Variants in PDRG1 observed in about 807,000 individuals in gnomAD.
PDRG1 encodes the protein p53 and DNA damage regulated 1.
Under a neutral mutation model 18.4 loss-of-function variants are expected in PDRG1, and 14 were observed. That is an observed-to-expected ratio of 0.76 (90% CI 0.50 to 1.19). The LOEUF (loss-of-function observed/expected upper bound fraction) is 1.19. Ranked by LOEUF, PDRG1 falls within the 50% of genes most tolerant of loss-of-function variation. PDRG1 has a pLI of 0.00. For missense variants in PDRG1, 177 were observed against 160.1 expected (o/e 1.11, Z -0.57); for synonymous variants, 65 against 60.9 (o/e 1.07, Z -0.31).
intron 2 of PDRG1, among the ~76,000 whole-genome samples, chr20:31,949,220 G>A (rs979047632): frequency 1.3e-5 from 2 of 152,194 alleles, no homozygotes; most frequent in Non-Finnish European, 2.9e-5. Context: ...GGGAAAGAGT[G>A]AGCCAAACAG....
In PDRG1 at chr20:31,950,354, G is replaced by A. The variant is rs142890852; in HGVS notation, c.121C>T (p.Arg41Ter). The change falls in exon 2 of 5, where the codon CGA becomes TGA. Residue 41 changes from arginine to a stop codon, truncating the protein, a stop_gained. Transcript: ENST00000202017. LOFTEE classifies it high-confidence loss of function. ...TTCTGCAGGGCCCTCAGGCCCTCTCGATTCTGATTCCTTTTAGTGTCCAGG... is the reference window on the plus strand; with the variant it reads ...TTCTGCAGGGCCCTCAGGCCCTCTCAATTCTGATTCCTTTTAGTGTCCAGG... ...VDLDTKRNQN[R>*]EGLRALQKDL... 6.2e-7 allele frequency: 1 copy of A among 1,613,230 alleles called. No individual in the cohort carries two copies. Among genetic ancestry groups the A allele is most frequent in the East Asian group, 2.2e-5 (1 of 44,886 alleles).
chr20:31,949,222 G>A (rs150016163), intron 2 of PDRG1, among the ~76,000 whole-genome samples: 21 of 152,216 alleles, frequency 1.4e-4, no homozygotes, highest in Middle Eastern at 6.8e-3. Context: ...GAAAGAGTGA[G>A]CCAAACAGAG....
Position 31,945,882 on chromosome 20 carries a change from C to A in PDRG1, c.327G>T (p.Pro109=). The A allele has an allele frequency of 6.2e-7, 1 of 1,613,324 alleles. No homozygotes were observed. Among genetic ancestry groups the A allele is most frequent in the Non-Finnish European group, 8.5e-7 (1 of 1,179,758 alleles). Residue 109 remains proline (P), a synonymous_variant, in exon 5 of 5, where the codon CCG becomes CCT. Transcript: ENST00000202017. ...GGTTCAAGTTAAAACCCTTCAGCTC[C>A]GGTTTGCCTAGGAGAGAAGATGATC... ...VNRLFEAQGK[P]ELKGFNLNPL...
intron 3 of PDRG1, among the ~76,000 whole-genome samples, chr20:31,947,661 G>A (rs2064327196): frequency 6.6e-6 from 1 of 152,224 alleles, no homozygotes; most frequent in Non-Finnish European, 1.5e-5. Context: ...GGGAGGCCAA[G>A]GTGGGTGGAT....
chr20:31,948,468 T>C (rs116988284), intron 3 of PDRG1, among the ~76,000 whole-genome samples: 1 of 152,382 alleles, frequency 6.6e-6, no homozygotes, highest in East Asian at 1.9e-4. Flanking sequence ...CTGGACAATT[T>C]CTTATGCAAG....
In PDRG1 at chr20:31,944,995, T is replaced by C. The variant is rs1358111492; in HGVS notation, c.*812A>G. 3.3e-5 allele frequency: 5 copies of C among 152,254 alleles called. No homozygotes were observed. The highest frequency in any genetic ancestry group is 2.4e-5 in the African/African-American group (1 of 41,464). 9.4% of individuals were successfully genotyped at this position (152,254 alleles called of 1,614,324 possible). ...CAGCTAACATTTATTGAGCCCTTAA[T>C]GAACACATAAGAGTTTTGACTTCAC... On this transcript the variant is annotated 3_prime_UTR_variant, in exon 5 of 5. Coordinates refer to ENST00000202017, the MANE Select transcript of PDRG1 (RefSeq NM_030815.3).
rs2064310439 is a variant in PDRG1, at chr20:31,945,642, G to A, written c.*165C>T. 3.7e-6 allele frequency: 2 copies of A among 539,524 alleles called. No homozygotes were observed. Among genetic ancestry groups the A allele is most frequent in the African/African-American group, 3.9e-5 (2 of 51,220 alleles). 33.4% of individuals were successfully genotyped at this position (539,524 alleles called of 1,614,324 possible). On this transcript the variant is annotated 3_prime_UTR_variant, in exon 5 of 5. Coordinates refer to ENST00000202017, the MANE Select transcript of PDRG1 (RefSeq NM_030815.3). ...CCAGACAGGCTGAAGGTTCCCTCCT[G>A]CCATCACAGAGTAGCCAAGCACTAC...
At chr20:31,945,984 A>C in intron 4 of PDRG1, 95 bp from the exon 5 acceptor site, 1 of 1,022,398 alleles carries the variant, frequency 9.8e-7, no homozygotes. Flanking sequence ...ATGCTGCCAA[A>C]CTCAGCCTGG....
At chr20:31,951,758 G>T in intron 1 of PDRG1, 117 bp downstream of exon 1, 1 of 1,103,660 alleles carries the variant, frequency 9.1e-7, no homozygotes. Context: ...ATATTTATCG[G>T]CCCAGGTCTG....
intron 2 of PDRG1, 31 bp from the exon 3 acceptor site, chr20:31,948,913 AT>A (rs200283565): frequency 2.0e-4 from 323 of 1,584,614 alleles, no homozygotes; most frequent in African/African-American, 7.3e-4. Flanking sequence ...TCCTTCAACA[AT>A]TTTTTTTTGA....
chr20:31,945,836 T>TA lies in PDRG1; in HGVS notation c.372dup (p.Lys125Ter), dbSNP rs1377636370. ...CCTTTCAAGATGACCTTGAGAGCTT[T>TA]AAGCTCATCCTGGTTGAGGGGGTTC... On this transcript the variant is annotated frameshift_variant, in exon 5 of 5. Coordinates refer to ENST00000202017, the MANE Select transcript of PDRG1 (RefSeq NM_030815.3). LOFTEE classifies it high-confidence loss of function. The TA allele has an allele frequency of 6.2e-7, 1 of 1,613,886 alleles. No individual in the cohort carries two copies. The highest frequency in any genetic ancestry group is 1.3e-5 in the African/African-American group (1 of 74,928).
At chr20:31,947,139 T>TGC (rs1242983881) in intron 3 of PDRG1, among the ~76,000 whole-genome samples, 1 of 152,172 alleles carries the variant, frequency 6.6e-6, no homozygotes, top group Non-Finnish European at 1.5e-5. Context: ...TGAGAAGAGT[T>TGC]GGTGTGATGA....
chr20:31,950,499 C>T (rs751276505), intron 1 of PDRG1, 112 bp from the exon 2 acceptor site: 3 of 786,400 alleles, frequency 3.8e-6, no homozygotes, highest in Non-Finnish European at 6.5e-6. Context: ...CATTCAACGT[C>T]CTGCCTAAAA....
At chr20:31,951,388 C>T (rs2064350955) in intron 1 of PDRG1, among the ~76,000 whole-genome samples, 1 of 152,150 alleles carries the variant, frequency 6.6e-6, no homozygotes, top group Non-Finnish European at 1.5e-5. Flanking sequence ...CAGGGGGGAT[C>T]CTTTTAAAAC....
At chr20:31,946,415 C>T (rs1292210878) in intron 4 of PDRG1, 81 bp downstream of exon 4, 22 of 1,321,228 alleles carry the variant, frequency 1.7e-5, no homozygotes, top group Admixed American at 3.4e-5. Context: ...CTCTGAGGGT[C>T]GGACTTCCCA....
At chr20:31,948,937 T>G in intron 2 of PDRG1, 55 bp from the exon 3 acceptor site, 18 of 1,519,196 alleles carry the variant, frequency 1.2e-5, no homozygotes, top group Non-Finnish European at 1.6e-5. Flanking sequence ...ACCTATTATC[T>G]GCCAGGCATT....
At position 31,950,511 on chromosome 20, in the gene PDRG1, G is replaced by A. The variant is rs141018866; in HGVS notation, c.88-124C>T. 1,671 of 701,602 alleles carry A rather than the reference G, an allele frequency of 2.4e-3. 2 individuals are homozygous for A. The highest frequency in any genetic ancestry group is 3.3e-3 in the Non-Finnish European group (1,334 of 401,994). 43.5% of individuals were successfully genotyped at this position (701,602 alleles called of 1,614,324 possible). On this transcript the variant is annotated intron_variant, in intron 1 of 4. Transcript: ENST00000202017. ...TTACATTCAACGTCCTGCCTAAAATGGATTGATGTGTGAATGTATTTCTTC... is the reference window on the plus strand; with the variant it reads ...TTACATTCAACGTCCTGCCTAAAATAGATTGATGTGTGAATGTATTTCTTC...
chr20:31,948,755 C>T (rs539791534), intron 3 of PDRG1, 53 bp downstream of exon 3: 9 of 1,533,370 alleles, frequency 5.9e-6, no homozygotes, highest in African/African-American at 4.1e-5. Flanking sequence ...GGGTTAAGAC[C>T]AAAGCTGGTG....
chr20:31,948,863 G>C lies in PDRG1; in HGVS notation c.183C>G (p.Phe61Leu), dbSNP rs534064528. ...LSLSEDVMVC[F>L]GNMFIKMPHP... ...GAGGCATCTTGATAAACATGTTCCCGAAGCAAACCATCACATCTTCTGAAA... is the reference window on the plus strand; with the variant it reads ...GAGGCATCTTGATAAACATGTTCCCCAAGCAAACCATCACATCTTCTGAAA... The change falls in exon 3 of 5, where the codon TTC becomes TTG. Residue 61 changes from phenylalanine (F) to leucine (L), a missense_variant. Physicochemically the swap from Phe to Leu is conservative, Grantham distance 22 (BLOSUM62 0). Coordinates refer to ENST00000202017, the MANE Select transcript of PDRG1 (RefSeq NM_030815.3). 1 of 1,613,606 alleles carries C rather than the reference G, an allele frequency of 6.2e-7. No individual in the cohort carries two copies. The highest frequency in any genetic ancestry group is 1.3e-5 in the African/African-American group (1 of 74,886).
Sources: gnomAD v4.1 joint callset for allele counts (sites outside exome capture counted in the v4.1 genomes callset) on GRCh38, gnomAD v4.1.1 for gene constraint, MANE v1.5 for transcripts, NCBI Gene and HGNC (gene_info 2026-07-23, HGNC 2026-07-21) for gene names.